Variants in PARM1 observed in about 807,000 individuals in gnomAD.
PARM1 encodes the protein WSC4, cell wall integrity and stress response component 4 homolog.
PARM1 carries 14 observed loss-of-function variants against 24.6 expected under a neutral mutation model. The ratio of observed to expected loss-of-function variants is 0.57; its 90% CI spans 0.38 to 0.89. The LOEUF is 0.89. PARM1 is among the 40% of genes least tolerant of loss of function. PARM1 has a pLI of 0.00. For synonymous variants in PARM1, 179 were observed against 156.6 expected (o/e 1.14, Z -1.07); for missense variants, 362 against 380.4 (o/e 0.95, Z 0.40).
At chr4:74,966,328 CT>C (rs1216170964) in intron 1 of PARM1, among the ~76,000 whole-genome samples, 1 of 152,118 alleles carries the variant, frequency 6.6e-6, no homozygotes, top group Non-Finnish European at 1.5e-5. Flanking sequence ...AGCGATCAGG[CT>C]CAACTCTAAA....
chr4:75,041,876 A>G (rs1477944539), intron 3 of PARM1, among the ~76,000 whole-genome samples: 3 of 152,226 alleles, frequency 2.0e-5, no homozygotes, highest in Non-Finnish European at 4.4e-5. Flanking sequence ...TTACTGCACC[A>G]TATGATACAG....
At chr4:74,938,467 A>T (rs1239833473) in intron 1 of PARM1, among the ~76,000 whole-genome samples, 1 of 152,204 alleles carries the variant, frequency 6.6e-6, no homozygotes, top group African/African-American at 2.4e-5. Flanking sequence ...CAAATGAAGC[A>T]GTTTCTTGGA....
chr4:74,981,420 G>A (rs752858445), intron 1 of PARM1, among the ~76,000 whole-genome samples: 62 of 152,028 alleles, frequency 4.1e-4, no homozygotes, highest in Non-Finnish European at 1.6e-4. Context: ...AATCAAAACC[G>A]CAATGAGATA....
chr4:74,981,369 G>GA (rs1045470511), intron 1 of PARM1, among the ~76,000 whole-genome samples: 3 of 149,898 alleles, frequency 2.0e-5, no homozygotes, highest in Admixed American at 6.7e-5. Context: ...AGAAACATAT[G>GA]AAAAAAAAAG....
At chr4:75,040,631 A>G (rs1337328777) in intron 3 of PARM1, among the ~76,000 whole-genome samples, 1 of 152,208 alleles carries the variant, frequency 6.6e-6, no homozygotes, top group Non-Finnish European at 1.5e-5. Flanking sequence ...TGTGGTTCAC[A>G]ATATTAATTT....
chr4:74,941,073 T>C (rs115241416), intron 1 of PARM1, among the ~76,000 whole-genome samples: 19 of 152,356 alleles, frequency 1.2e-4, no homozygotes, highest in African/African-American at 4.3e-4. Flanking sequence ...ACTCTACTTA[T>C]CATGGGAATT....
In PARM1 at chr4:75,049,292, ATGTGT is replaced by A. The variant is rs1340457608; in HGVS notation, c.*3050_*3054del. ...GACCTCACCCCATACTACCTCACAG[ATGTGT>A]TGTGAGGATTAATAAAATTATGTCT... On this transcript the variant is annotated 3_prime_UTR_variant, in exon 4 of 4. Transcript: ENST00000307428. 1 of 152,148 alleles carries A rather than the reference ATGTGT, an allele frequency of 6.6e-6. No individual in the cohort carries two copies. The highest frequency in any genetic ancestry group is 2.4e-5 in the African/African-American group (1 of 41,426). 9.4% of individuals were successfully genotyped at this position (152,148 alleles called of 1,614,324 possible). A position where few individuals can be genotyped will look rare whatever the true frequency, so the allele number is the denominator to read the frequency against.
At chr4:75,016,815 G>A (rs564479932) in intron 2 of PARM1, among the ~76,000 whole-genome samples, 4 of 152,144 alleles carry the variant, frequency 2.6e-5, no homozygotes, top group African/African-American at 4.8e-5. Context: ...GATGACTCTT[G>A]ACTTTCATTG....
rs1381022175 is a variant in PARM1 at position 75,049,289 on chromosome 4, C to T, written c.*3042C>T. On this transcript the variant is annotated 3_prime_UTR_variant, in exon 4 of 4. Coordinates refer to ENST00000307428, the MANE Select transcript of PARM1 (RefSeq NM_015393.4). ...ATTGACCTCACCCCATACTACCTCA[C>T]AGATGTGTTGTGAGGATTAATAAAA... 6.6e-6 allele frequency: 1 copy of T among 152,194 alleles called. No individual in the cohort carries two copies. The highest frequency in any genetic ancestry group is 1.5e-5 in the Non-Finnish European group (1 of 68,042). 9.4% of individuals were successfully genotyped at this position (152,194 alleles called of 1,614,324 possible).
At chr4:74,966,820 A>G (rs570989929) in intron 1 of PARM1, 3 of 152,304 alleles carry the variant, frequency 2.0e-5, no homozygotes, top group Admixed American at 1.3e-4. Context: ...AAGATTTCAC[A>G]TTCACCATCT....
chr4:75,029,173 G>C (rs1297572735), intron 2 of PARM1, among the ~76,000 whole-genome samples: 1 of 152,172 alleles, frequency 6.6e-6, no homozygotes, highest in Non-Finnish European at 1.5e-5. Context: ...GACTGCCTCA[G>C]GGTATAGAAC....
At chr4:74,935,170 G>A (rs545563148) in intron 1 of PARM1, among the ~76,000 whole-genome samples, 1 of 152,088 alleles carries the variant, frequency 6.6e-6, no homozygotes, top group Non-Finnish European at 1.5e-5. Flanking sequence ...GATGGTCACA[G>A]CCTTCCAGCT....
At chr4:75,032,393 G>C (rs1723291278) in intron 2 of PARM1, among the ~76,000 whole-genome samples, 1 of 152,128 alleles carries the variant, frequency 6.6e-6, no homozygotes, top group African/African-American at 2.4e-5. Context: ...CTTCTTAACT[G>C]TGCTACAATT....
intron 2 of PARM1, among the ~76,000 whole-genome samples, chr4:75,027,898 A>G (rs574456688): frequency 2.6e-5 from 4 of 152,328 alleles, no homozygotes; most frequent in South Asian, 2.1e-4. Context: ...GGTTTTATTT[A>G]AAAGCAGTTG....
Position 75,047,527 on chromosome 4 carries a change from CCT to C in PARM1, c.*1281_*1282del, listed in dbSNP as rs1021075134. 6.6e-6 allele frequency: 1 copy of C among 152,174 alleles called. No homozygotes were observed. The highest frequency in any genetic ancestry group is 2.4e-5 in the African/African-American group (1 of 41,442). 9.4% of individuals were successfully genotyped at this position (152,174 alleles called of 1,614,324 possible). On this transcript the variant is annotated 3_prime_UTR_variant, in exon 4 of 4. Transcript: ENST00000307428. The stretch of plus-strand genomic sequence containing the variant: ...TCTCAACCAGGAGGTGATTTTGCCC[CCT>C]GACTCCACCCCAGGGACATTCAAAA...
At chr4:74,959,793 A>T (rs1721727083) in intron 1 of PARM1, among the ~76,000 whole-genome samples, 1 of 152,226 alleles carries the variant, frequency 6.6e-6, no homozygotes, top group East Asian at 1.9e-4. Flanking sequence ...TCATTAAGAA[A>T]ATAGGATGAT....
At chr4:74,993,249 G>T (rs114123543) in intron 1 of PARM1, among the ~76,000 whole-genome samples, 3 of 152,122 alleles carry the variant, frequency 2.0e-5, no homozygotes, top group African/African-American at 7.2e-5. Flanking sequence ...AAAGAACTGA[G>T]GGTAGCCTCT....
chr4:74,950,201 C>A (rs1028893687), intron 1 of PARM1, among the ~76,000 whole-genome samples: 1 of 152,148 alleles, frequency 6.6e-6, no homozygotes, highest in Admixed American at 6.5e-5. Context: ...GCTGCCATAA[C>A]AAATTACCAT....
intron 1 of PARM1, among the ~76,000 whole-genome samples, chr4:74,960,714 G>A (rs2109989016): frequency 6.6e-6 from 1 of 152,210 alleles, no homozygotes; most frequent in African/African-American, 2.4e-5. Context: ...AAGATCTACT[G>A]TACAAAAACT....
Sources: gnomAD v4.1 joint callset for allele counts (sites outside exome capture counted in the v4.1 genomes callset) on GRCh38, gnomAD v4.1.1 for gene constraint, MANE v1.5 for transcripts, NCBI Gene and HGNC (gene_info 2026-07-23, HGNC 2026-07-21) for gene names.